The following MAP2K6 variants were observed in gnomAD, a reference collection of about 807,000 sequenced individuals.
MAP2K6 encodes the protein mitogen-activated protein kinase kinase 6, also known as dual specificity mitogen-activated protein kinase kinase 6.
MAP2K6 carries 16 observed loss-of-function variants against 53.7 expected under a neutral mutation model. The observed-to-expected ratio is 0.30, with a 90% CI of 0.20 to 0.45. The LOEUF is 0.45. MAP2K6 is among the 20% of genes least tolerant of loss of function. The pLI is 1.00. For synonymous variants in MAP2K6, 132 were observed against 143.1 expected (o/e 0.92, Z 0.55); for missense variants, 204 against 411.9 (o/e 0.50, Z 4.37).
chr17:69,487,775 A>T (rs1908601392), intron 1 of MAP2K6, among the ~76,000 whole-genome samples: 1 of 152,198 alleles, frequency 6.6e-6, no homozygotes, highest in African/African-American at 2.4e-5. Context: ...TATAGATATG[A>T]GTGGGTACTT....
intron 1 of MAP2K6, among the ~76,000 whole-genome samples, chr17:69,478,072 G>C (rs1454336300): frequency 6.6e-6 from 1 of 152,204 alleles, no homozygotes; most frequent in African/African-American, 2.4e-5. Context: ...TGTGTTCCAG[G>C]AAATAGCGGG....
At chr17:69,417,508 G>T (rs1905943217) in intron 1 of MAP2K6, among the ~76,000 whole-genome samples, 1 of 152,174 alleles carries the variant, frequency 6.6e-6, no homozygotes, top group African/African-American at 2.4e-5. Context: ...TTCCGAGAAA[G>T]AATTTCTTAA....
intron 1 of MAP2K6, among the ~76,000 whole-genome samples, chr17:69,455,042 T>A (rs908090600): frequency 1.3e-5 from 2 of 152,034 alleles, no homozygotes; most frequent in African/African-American, 4.8e-5. Context: ...ATTATTTTTT[T>A]TTTTTTTTGG....
At chr17:69,521,802 T>G (rs1441161972) in intron 7 of MAP2K6, 2 of 34,422 alleles carry the variant, frequency 5.8e-5, no homozygotes, top group African/African-American at 2.7e-4. Flanking sequence ...GTAAGATAAA[T>G]GTACAAAAAA....
chr17:69,440,843 T>C (rs1906793203), intron 1 of MAP2K6, among the ~76,000 whole-genome samples: 1 of 152,164 alleles, frequency 6.6e-6, no homozygotes, highest in African/African-American at 2.4e-5. Flanking sequence ...TGATACATAA[T>C]GCACTGTTTC....
At chr17:69,425,808 T>C (rs1293918258) in intron 1 of MAP2K6, among the ~76,000 whole-genome samples, 2 of 152,198 alleles carry the variant, frequency 1.3e-5, no homozygotes, top group African/African-American at 4.8e-5. Context: ...GCTGTAAGCG[T>C]AGGGCTAGAA....
intron 1 of MAP2K6, among the ~76,000 whole-genome samples, chr17:69,439,874 A>G (rs145750401): frequency 6.6e-6 from 1 of 152,292 alleles, no homozygotes; most frequent in East Asian, 1.9e-4. Context: ...ACATTCACAC[A>G]CCAGACACTG....
intron 8 of MAP2K6, among the ~76,000 whole-genome samples, chr17:69,524,543 G>C (rs559452584): frequency 6.6e-6 from 1 of 151,954 alleles, no homozygotes; most frequent in Non-Finnish European, 1.5e-5. Flanking sequence ...CAGTAGCCCA[G>C]TGACACTTGT....
chr17:69,482,690 G>A (rs896974146), intron 1 of MAP2K6, among the ~76,000 whole-genome samples: 1 of 110,312 alleles, frequency 9.1e-6, no homozygotes, highest in Middle Eastern at 4.1e-3. Flanking sequence ...GCCATCTCCT[G>A]TTATTAAGAC....
chr17:69,513,665 C>A (rs1218011189), intron 2 of MAP2K6, among the ~76,000 whole-genome samples: 2 of 151,984 alleles, frequency 1.3e-5, no homozygotes, highest in Admixed American at 6.6e-5. Context: ...TTGGAAAAGT[C>A]ATTCTTAGCT....
At chr17:69,438,404 T>C (rs1345880569) in intron 1 of MAP2K6, among the ~76,000 whole-genome samples, 1 of 152,198 alleles carries the variant, frequency 6.6e-6, no homozygotes, top group African/African-American at 2.4e-5. Flanking sequence ...AAAAATTATA[T>C]GGAAGTCATA....
At position 69,468,873 on chromosome 17, in the gene MAP2K6, A is replaced by G. The variant is rs142699992; in HGVS notation, c.17-36907A>G. Among the ~76,000 whole-genome samples the G allele has an allele frequency of 3.1e-4, 47 of 152,350 alleles. No individual in the cohort carries two copies. The East Asian group carries it at 4.8e-3, about 16-fold the overall frequency. ...CAACAAAAGGCGGGTTGAACAAGCA[A>G]TCCAGACAGAATGAACAGTCTGTGC... On this transcript the variant is annotated intron_variant, in intron 1 of 11. Transcript: ENST00000590474.
chr17:69,526,248 C>G (rs775378674), intron 9 of MAP2K6, among the ~76,000 whole-genome samples: 5 of 152,206 alleles, frequency 3.3e-5, no homozygotes, highest in Non-Finnish European at 7.3e-5. Flanking sequence ...GTTTGAAATC[C>G]TCGTAGCTTT....
intron 2 of MAP2K6, 54 bp from the exon 3 acceptor site, chr17:69,516,801 G>A: frequency 7.7e-7 from 1 of 1,296,402 alleles, no homozygotes; most frequent in African/African-American, 1.5e-5. Flanking sequence ...ATTTGGGAAG[G>A]ACATAATTGA....
intron 7 of MAP2K6, 82 bp from the exon 8 acceptor site, chr17:69,523,432 A>G: frequency 6.4e-7 from 1 of 1,566,900 alleles, no homozygotes; most frequent in South Asian, 1.1e-5. Flanking sequence ...GGACAAATGG[A>G]GATTTTAGGC....
At chr17:69,445,656 A>T (rs566353563) in intron 1 of MAP2K6, among the ~76,000 whole-genome samples, 15 of 151,874 alleles carry the variant, frequency 9.9e-5, no homozygotes, top group African/African-American at 2.7e-4. Context: ...TTTTTTTTTT[A>T]AATATTCTTC....
chr17:69,422,124 A>ATTTTT (rs35694490), intron 1 of MAP2K6, among the ~76,000 whole-genome samples: 28 of 87,382 alleles, frequency 3.2e-4, no homozygotes, highest in South Asian at 4.1e-4. Context: ...AATCATCGTA[A>ATTTTT]TTTTTTTTTT....
In MAP2K6 at chr17:69,438,085, G is replaced by A. The variant is rs766075083; in HGVS notation, c.16+23085G>A. ...TGAGAACTCATCCAGGGGAATGTGT[G>A]TTGCTCCTGTGGTGGAATCTCAGGG... is the stretch of plus-strand genomic sequence containing the variant. On this transcript the variant is annotated intron_variant, in intron 1 of 11. Coordinates refer to ENST00000590474, the MANE Select transcript of MAP2K6 (RefSeq NM_002758.4). Among the ~76,000 whole-genome samples, 8 of 152,384 alleles carry A rather than the reference G, an allele frequency of 5.2e-5. No individual in the cohort carries two copies. The East Asian group carries it at 1.2e-3, about 22-fold the overall frequency.
chr17:69,525,240 GA>G (rs1910706279), intron 9 of MAP2K6, among the ~76,000 whole-genome samples: 1 of 152,104 alleles, frequency 6.6e-6, no homozygotes, highest in African/African-American at 2.4e-5. Context: ...CAGTCACATG[GA>G]CTATCTTCCT....
Sources: allele counts gnomAD v4.1 joint callset (sites outside exome capture counted in the v4.1 genomes callset), GRCh38; gene constraint gnomAD v4.1.1; transcripts MANE v1.5; gene names NCBI Gene and HGNC (gene_info 2026-07-23, HGNC 2026-07-21).